Variants in MED27 observed in about 807,000 individuals in gnomAD.
The protein encoded by MED27 is mediator complex subunit 27.
In MED27, 30 loss-of-function variants were observed where a neutral mutation model predicts 38.2. The observed-to-expected ratio is 0.79, with a 90% CI of 0.59 to 1.07. The LOEUF (loss-of-function observed/expected upper bound fraction) is 1.07. Ranked by LOEUF, MED27 falls within the 50% of genes least tolerant of loss-of-function variation. MED27 has a pLI of 0.00. For missense variants in MED27, 289 were observed against 397.5 expected (o/e 0.73, Z 2.32); for synonymous variants, 122 against 153.5 (o/e 0.79, Z 1.52).
At chr9:131,970,690 T>G (rs1831458463) in intron 3 of MED27, among the ~76,000 whole-genome samples, 1 of 152,170 alleles carries the variant, frequency 6.6e-6, no homozygotes. Flanking sequence ...AAATGAGAAC[T>G]GGCAAAACTC....
intron 6 of MED27, among the ~76,000 whole-genome samples, chr9:131,865,519 T>C (rs1838722125): frequency 6.6e-6 from 1 of 152,192 alleles, no homozygotes; most frequent in Admixed American, 6.5e-5. Flanking sequence ...AGAACCAAAG[T>C]TTCTGGAGAA....
Position 131,883,003 on chromosome 9 carries a change from G to A in MED27, c.723+1055C>T, listed in dbSNP as rs1839074963. ...GCTCACTGCAACCTCTGTCTCCCAG[G>A]TTTAAGCAATTCTTCTGCCTCAGCC... On this transcript the variant is annotated intron_variant, in intron 6 of 7. Transcript: ENST00000292035. The surrounding 1 kb of genome is among the most constrained non-coding windows in gnomAD (Gnocchi z 4.2). Among the ~76,000 whole-genome samples the A allele has an allele frequency of 6.6e-6, 1 of 151,968 alleles. No homozygotes were observed. Among genetic ancestry groups the A allele is most frequent in the African/African-American group, 2.4e-5 (1 of 41,368 alleles).
chr9:131,896,959 T>C (rs772452776), intron 4 of MED27, among the ~76,000 whole-genome samples: 2 of 152,162 alleles, frequency 1.3e-5, no homozygotes, highest in East Asian at 1.9e-4. Context: ...CTTGAACTCC[T>C]GACCTCATGG....
At chr9:132,065,098 AAC>A (rs1330663092) in intron 2 of MED27, among the ~76,000 whole-genome samples, 1 of 152,202 alleles carries the variant, frequency 6.6e-6, no homozygotes, top group East Asian at 1.9e-4. Flanking sequence ...ACTACCCAAA[AAC>A]ACAGTTTGGA....
At chr9:131,907,237 CCT>C (rs1156819211) in intron 4 of MED27, among the ~76,000 whole-genome samples, 8 of 152,226 alleles carry the variant, frequency 5.3e-5, no homozygotes, top group South Asian at 2.1e-4. Flanking sequence ...TCTCCCTCTC[CCT>C]CTCTTTCCAC....
intron 3 of MED27, among the ~76,000 whole-genome samples, chr9:131,992,266 G>A (rs549233242): frequency 1.1e-3 from 172 of 152,302 alleles, no homozygotes; most frequent in Middle Eastern, 6.8e-3. Context: ...GGAAAGGAAA[G>A]CCTTGTTATC....
chr9:132,048,741 G>A (rs1484871321), intron 2 of MED27, among the ~76,000 whole-genome samples: 1 of 152,116 alleles, frequency 6.6e-6, no homozygotes, highest in Non-Finnish European at 1.5e-5. Context: ...TCCTTCATCC[G>A]ACACCTGCAT....
chr9:131,928,722 T>G (rs1207366649), intron 4 of MED27, among the ~76,000 whole-genome samples: 2 of 152,234 alleles, frequency 1.3e-5, no homozygotes, highest in African/African-American at 4.8e-5. Flanking sequence ...GAACTTGAGT[T>G]TCTCAGCAAG....
At chr9:131,882,376 C>G (rs1839063467) in intron 6 of MED27, among the ~76,000 whole-genome samples, 1 of 152,192 alleles carries the variant, frequency 6.6e-6, no homozygotes, top group Non-Finnish European at 1.5e-5. Context: ...TAGAACCAGA[C>G]AGAGGTAGTG....
chr9:132,064,768 T>G (rs977015709), intron 2 of MED27, among the ~76,000 whole-genome samples: 1 of 152,234 alleles, frequency 6.6e-6, no homozygotes, highest in East Asian at 1.9e-4. Flanking sequence ...TCCTTCATGT[T>G]CAGACACTGC....
chr9:131,908,105 C>T (rs1050332252), intron 4 of MED27, among the ~76,000 whole-genome samples: 1 of 150,122 alleles, frequency 6.7e-6, no homozygotes, highest in African/African-American at 2.4e-5. Flanking sequence ...CGCCCGGCAG[C>T]CACCCTGTCC....
chr9:131,888,347 T>A (rs539772388), intron 5 of MED27, among the ~76,000 whole-genome samples: 1 of 152,160 alleles, frequency 6.6e-6, no homozygotes, highest in South Asian at 2.1e-4. Flanking sequence ...GTGGGGGAAT[T>A]TGAAACCAGG....
At chr9:132,073,265 G>GA in intron 2 of MED27, 1 of 943,522 alleles carries the variant, frequency 1.1e-6, no homozygotes, top group East Asian at 1.2e-4. Context: ...AGTAATGGCT[G>GA]AAAATGGAAA....
chr9:132,071,605 C>T (rs372536979), intron 2 of MED27, among the ~76,000 whole-genome samples: 2 of 150,652 alleles, frequency 1.3e-5, no homozygotes, highest in East Asian at 2.0e-4. Flanking sequence ...GCCCCATGAA[C>T]GAGCACATGC....
At chr9:131,916,941 A>G (rs1314589488) in intron 4 of MED27, among the ~76,000 whole-genome samples, 2 of 152,176 alleles carry the variant, frequency 1.3e-5, no homozygotes, top group Admixed American at 1.3e-4. Context: ...TCGGCCTGGA[A>G]ATAAGGGTAG....
At chr9:131,884,858 T>A (rs1452002037) in intron 5 of MED27, among the ~76,000 whole-genome samples, 1 of 152,196 alleles carries the variant, frequency 6.6e-6, no homozygotes, top group East Asian at 1.9e-4. Context: ...TCTGCCCCCC[T>A]TGGACTCCCA....
intron 3 of MED27, among the ~76,000 whole-genome samples, chr9:131,991,519 T>C (rs749704196): frequency 2.0e-5 from 3 of 152,206 alleles, no homozygotes; most frequent in Non-Finnish European, 4.4e-5. Context: ...TGATCTGTCC[T>C]CTCATAAAGC....
At chr9:131,897,883 A>G (rs991473333) in intron 4 of MED27, among the ~76,000 whole-genome samples, 1 of 152,240 alleles carries the variant, frequency 6.6e-6, no homozygotes, top group Non-Finnish European at 1.5e-5. Context: ...GGTCCACACA[A>G]TGTGACTGGT....
intron 2 of MED27, among the ~76,000 whole-genome samples, chr9:132,022,476 T>C (rs573043095): frequency 7.2e-5 from 11 of 152,326 alleles, no homozygotes; most frequent in African/African-American, 2.2e-4. Context: ...GCTAGAATTA[T>C]GTCTGAGGTC....
Sources: allele counts gnomAD v4.1 joint callset (sites outside exome capture counted in the v4.1 genomes callset), GRCh38; gene constraint gnomAD v4.1.1; non-coding constraint Gnocchi (gnomAD v3.1); transcripts MANE v1.5; gene names NCBI Gene and HGNC (gene_info 2026-07-23, HGNC 2026-07-21).